Variants in FAM153A observed in about 807,000 individuals in gnomAD.
The protein encoded by FAM153A is protein FAM153A.
In FAM153A, 12 loss-of-function variants were observed where a neutral mutation model predicts 48.1. The ratio of observed to expected loss-of-function variants is 0.25; its 90% CI spans 0.16 to 0.40. The LOEUF (loss-of-function observed/expected upper bound fraction) is 0.40, where lower values mean the gene tolerates loss of function less well. FAM153A is among the 10% of genes least tolerant of loss of function. The probability of loss-of-function intolerance (pLI) is 1.00; values close to 1 mark genes in which losing one functional copy is unlikely to be tolerated. For missense variants in FAM153A, 111 were observed against 345.8 expected (o/e 0.32, Z 5.38); for synonymous variants, 36 against 118.2 (o/e 0.30, Z 4.51).
intron 24 of FAM153A, chr5:177,717,091 A>G (rs569952307): frequency 5.4e-5 from 8 of 149,436 alleles, no homozygotes; most frequent in African/African-American, 2.0e-4. Context: ...AAATCGTACC[A>G]AAGAAATTAT....
chr5:177,759,814 TG>T (rs1236821681), intron 1 of FAM153A, among the ~76,000 whole-genome samples: 2 of 145,784 alleles, frequency 1.4e-5, no homozygotes, highest in East Asian at 2.0e-4. Flanking sequence ...GGGCCTGTTG[TG>T]GGGGGGAGGG....
intron 1 of FAM153A, among the ~76,000 whole-genome samples, chr5:177,779,289 C>T (rs369066147): frequency 2.7e-5 from 3 of 109,988 alleles, no homozygotes; most frequent in Admixed American, 9.5e-5. Flanking sequence ...ACTTTGTGTG[C>T]GTGTGTGTGT....
intron 1 of FAM153A, among the ~76,000 whole-genome samples, chr5:177,760,098 A>G (rs1159088636): frequency 3.3e-5 from 5 of 150,870 alleles, no homozygotes; most frequent in Non-Finnish European, 7.4e-5. Flanking sequence ...GAGAATTTTA[A>G]TTGTCAACAA....
chr5:177,711,447 TAAGC>T (rs1193703088), exon 27 of FAM153A: 1 of 151,904 alleles, frequency 6.6e-6, no homozygotes, highest in African/African-American at 2.4e-5. Context: ...ATAATTTTGA[TAAGC>T]AAGAAATGAC....
intron 13 of FAM153A, 51 bp downstream of exon 15, chr5:177,734,812 T>G (rs1764433688): frequency 6.2e-7 from 1 of 1,605,602 alleles, no homozygotes; most frequent in East Asian, 2.2e-5. Context: ...CCAAATAAGA[T>G]AAAGCTAAGA....
At chr5:177,756,036 C>T (rs1345458087), upstream of FAM153A, among the ~76,000 whole-genome samples, 16 of 149,676 alleles carry the variant, frequency 1.1e-4, no homozygotes, top group Non-Finnish European at 2.1e-4. Flanking sequence ...AAGACACAGA[C>T]TGGCAAATTG....
chr5:177,697,989 A>G, the FAM153A span, among the ~76,000 whole-genome samples: 1 of 150,092 alleles, frequency 6.7e-6, no homozygotes, highest in African/African-American at 2.5e-5. Context: ...GGTCACTGGT[A>G]GCTGTGGCTG....
chr5:177,700,778 G>C, the FAM153A span, among the ~76,000 whole-genome samples: 1 of 151,812 alleles, frequency 6.6e-6, no homozygotes, highest in African/African-American at 2.4e-5. Flanking sequence ...CTCCAGCCTG[G>C]GGCACAGAGC....
At chr5:177,701,096 A>G in the FAM153A span, among the ~76,000 whole-genome samples, 20 of 151,680 alleles carry the variant, frequency 1.3e-4, no homozygotes, top group Admixed American at 1.0e-3. Context: ...TTAAAAGTGT[A>G]TAGTCCCTCC....
chr5:177,760,235 C>CTT (rs56901584), intron 1 of FAM153A, among the ~76,000 whole-genome samples: 7 of 96,216 alleles, frequency 7.3e-5, no homozygotes, highest in African/African-American at 2.9e-4. Context: ...TGGGAAAGAC[C>CTT]TTTTTTTTTT....
At chr5:177,704,655 G>A (rs111867608), downstream of FAM153A, among the ~76,000 whole-genome samples, 18 of 151,636 alleles carry the variant, frequency 1.2e-4, no homozygotes, top group African/African-American at 3.9e-4. Flanking sequence ...CACTATCCCC[G>A]TGGTGCTGTT....
chr5:177,760,237 T>C (rs1379645397), intron 1 of FAM153A, among the ~76,000 whole-genome samples: 2 of 29,564 alleles, frequency 6.8e-5, no homozygotes, highest in African/African-American at 2.2e-4. Flanking sequence ...GGAAAGACCT[T>C]TTTTTTTTTT....
At chr5:177,730,543 T>C (rs1268787150) in intron 16 of FAM153A, among the ~76,000 whole-genome samples, 1 of 104,116 alleles carries the variant, frequency 9.6e-6, no homozygotes, top group African/African-American at 3.4e-5. Context: ...CTGCGCAATG[T>C]ACCTACTCAA....
chr5:177,718,626 TAAAAC>T (rs1287773795), downstream of FAM153A: 1 of 132,870 alleles, frequency 7.5e-6, no homozygotes, highest in Non-Finnish European at 1.7e-5. Flanking sequence ...TAAGAAAAAA[TAAAAC>T]AGGCTCTAAG....
chr5:177,709,695 A>C (rs1758233956), downstream of FAM153A, among the ~76,000 whole-genome samples: 1 of 125,018 alleles, frequency 8.0e-6, no homozygotes, highest in Non-Finnish European at 1.7e-5. Context: ...TTTTTGACCA[A>C]GTTTTGCTCT....
At chr5:177,710,980 C>A (rs1209906336), downstream of FAM153A, 15 of 151,724 alleles carry the variant, frequency 9.9e-5, no homozygotes, top group Non-Finnish European at 2.1e-4. Flanking sequence ...TGTTACCAAA[C>A]TTCAAGGATC....
downstream of FAM153A, chr5:177,707,013 A>G (rs1419624607): frequency 6.6e-6 from 1 of 152,014 alleles, no homozygotes; most frequent in Non-Finnish European, 1.5e-5. Context: ...ACAGTTGTCA[A>G]TGTAAACACC....
downstream of FAM153A, among the ~76,000 whole-genome samples, chr5:177,703,218 G>C (rs1696907): frequency 3.2e-3 from 461 of 142,334 alleles, 2 homozygotes; most frequent in African/African-American, 6.3e-3. Context: ...GGGAGTCCAC[G>C]CCTTCCATCA....
chr5:177,739,098 T>C lies in FAM153A; in HGVS notation c.562+15A>G, dbSNP rs370501877. ...AGATTTTTCCTTAGCAAAAAGGTGA[T>C]CCCAGAATACATACCGTTGGTTTGG... On this transcript the variant is annotated intron_variant, in intron 10 of 20. Transcript: ENST00000614127. 38 of 1,612,810 alleles carry C rather than the reference T, an allele frequency of 2.4e-5. 1 individual carries two copies. In the African/African-American group the frequency reaches 4.9e-4, roughly 21 times the overall value.
Sources: gnomAD v4.1 joint callset for allele counts (sites outside exome capture counted in the v4.1 genomes callset) on GRCh38, gnomAD v4.1.1 for gene constraint, MANE v1.5 for transcripts, NCBI Gene and HGNC (gene_info 2026-07-23, HGNC 2026-07-21) for gene names.